The following SCAPER variants were observed in gnomAD, a reference collection of about 807,000 sequenced individuals.
SCAPER encodes the protein S-phase cyclin A associated protein in the ER.
A neutral mutation model predicts 182.2 loss-of-function variants in SCAPER; 98 were observed. That is an observed-to-expected ratio of 0.54 (90% CI 0.46 to 0.64). The LOEUF (loss-of-function observed/expected upper bound fraction) is 0.64, where lower values mean the gene tolerates loss of function less well. Among genes scored for constraint, SCAPER ranks in the 30% least tolerant of loss-of-function variants. The pLI is 0.00. For synonymous variants in SCAPER, 605 were observed against 564.6 expected, an observed-to-expected ratio of 1.07 and a Z score of -1.01; for missense variants, 1,432 against 1,690.0, an observed-to-expected ratio of 0.85 and a Z score of 2.68.
intron 26 of SCAPER, among the ~76,000 whole-genome samples, chr15:76,405,853 A>G (rs1179896766): frequency 6.6e-6 from 1 of 152,202 alleles, no homozygotes; most frequent in Non-Finnish European, 1.5e-5. Flanking sequence ...AGTCCCCACT[A>G]TTCATTTACC....
chr15:76,536,890 T>C (rs1403199242), intron 23 of SCAPER, among the ~76,000 whole-genome samples: 1 of 151,642 alleles, frequency 6.6e-6, no homozygotes, highest in Non-Finnish European at 1.5e-5. Flanking sequence ...AAAATCAATG[T>C]ACAAAAATCA....
intron 26 of SCAPER, 100 bp downstream of exon 26, chr15:76,433,978 A>G (rs2047028881): frequency 4.2e-6 from 4 of 948,078 alleles, no homozygotes; most frequent in Non-Finnish European, 4.7e-6. Context: ...TGTGAATGGC[A>G]TTGTGAGAAC....
At position 76,599,282 on chromosome 15, in the gene SCAPER, A is replaced by C. The variant is rs528233928; in HGVS notation, c.2711+22482T>G. Among the ~76,000 whole-genome samples, 517 of 122,028 alleles carry C rather than the reference A, an allele frequency of 4.2e-3. 53 individuals are homozygous for C. The highest frequency in any genetic ancestry group is 0.012 in the African/African-American group (488 of 39,962). 80.1% of individuals were successfully genotyped at this position (122,028 alleles called of 152,430 possible). A position where few individuals can be genotyped will look rare whatever the true frequency, so the allele number is the denominator to read the frequency against. ...GACAACGTCAAATATTACCAAGGAT[A>C]TGAAACAGGAACTCTCACACATTGT... On this transcript the variant is annotated intron_variant, in intron 22 of 31. Coordinates refer to ENST00000563290, the MANE Select transcript of SCAPER (RefSeq NM_020843.4).
At chr15:76,857,932 T>C in intron 3 of SCAPER, 53 bp from the exon 4 acceptor site, 1 of 1,268,866 alleles carries the variant, frequency 7.9e-7, no homozygotes, top group Non-Finnish European at 1.1e-6. Context: ...ATAGATAGTA[T>C]AAAATTGAAC....
intron 2 of SCAPER, among the ~76,000 whole-genome samples, chr15:76,865,103 C>G (rs1056781729): frequency 6.6e-6 from 1 of 152,202 alleles, no homozygotes; most frequent in African/African-American, 2.4e-5. Flanking sequence ...TTACATTTCA[C>G]CAACTATCCC....
intron 23 of SCAPER, among the ~76,000 whole-genome samples, chr15:76,539,353 G>A (rs1404080134): frequency 1.3e-5 from 2 of 152,010 alleles, no homozygotes; most frequent in African/African-American, 4.8e-5. Flanking sequence ...ACAAAGAAAA[G>A]CCTGGCTCCT....
At chr15:76,684,884 GA>G (rs1057018679) in intron 20 of SCAPER, among the ~76,000 whole-genome samples, 1 of 150,588 alleles carries the variant, frequency 6.6e-6, no homozygotes, top group Non-Finnish European at 1.5e-5. Context: ...CCAGAAAATA[GA>G]AAAAAAAGAG....
At chr15:76,686,682 C>A (rs1236401134) in intron 20 of SCAPER, among the ~76,000 whole-genome samples, 1 of 152,004 alleles carries the variant, frequency 6.6e-6, no homozygotes, top group Non-Finnish European at 1.5e-5. Flanking sequence ...GTAAATAAAT[C>A]GTGTATAATC....
intron 29 of SCAPER, among the ~76,000 whole-genome samples, chr15:76,367,440 A>G (rs1042167519): frequency 8.5e-5 from 13 of 152,230 alleles, no homozygotes; most frequent in African/African-American, 3.1e-4. Flanking sequence ...GTCATGAATT[A>G]AACTTTGATA....
At chr15:76,674,360 A>T (rs1164156535) in intron 20 of SCAPER, among the ~76,000 whole-genome samples, 1 of 152,218 alleles carries the variant, frequency 6.6e-6, no homozygotes, top group African/African-American at 2.4e-5. Context: ...TCATGTGTCT[A>T]TAAGGGAGGA....
intron 24 of SCAPER, among the ~76,000 whole-genome samples, chr15:76,487,957 A>C (rs1420668917): frequency 6.6e-6 from 1 of 152,156 alleles, no homozygotes; most frequent in Non-Finnish European, 1.5e-5. Context: ...GGTCCGAAGG[A>C]TTCTCAATAC....
chr15:76,667,215 T>C (rs948189453), intron 20 of SCAPER, among the ~76,000 whole-genome samples: 2 of 152,198 alleles, frequency 1.3e-5, no homozygotes, highest in African/African-American at 4.8e-5. Flanking sequence ...TCAGTTCTTA[T>C]CTGTTTCTTG....
chr15:76,430,275 A>C (rs1378258759), intron 26 of SCAPER, among the ~76,000 whole-genome samples: 3 of 152,204 alleles, frequency 2.0e-5, no homozygotes, highest in African/African-American at 7.2e-5. Context: ...CAGAGCCCCT[A>C]CACAGAGTCC....
At chr15:76,524,740 A>C (rs1023227860) in intron 23 of SCAPER, among the ~76,000 whole-genome samples, 2 of 138,606 alleles carry the variant, frequency 1.4e-5, no homozygotes, top group Non-Finnish European at 3.0e-5. Context: ...AAGACTTACC[A>C]ATACGTAAGA....
intron 1 of SCAPER, among the ~76,000 whole-genome samples, chr15:76,894,049 A>C (rs765754197): frequency 1.3e-5 from 2 of 152,070 alleles, no homozygotes; most frequent in Non-Finnish European, 1.5e-5. Context: ...TCAGGAGTTC[A>C]AGACCAGCCT....
In SCAPER at chr15:76,686,058, G is replaced by A. The variant is rs566209228; in HGVS notation, c.2508+15700C>T. On this transcript the variant is annotated intron_variant, in intron 20 of 31. Coordinates refer to ENST00000563290, the MANE Select transcript of SCAPER (RefSeq NM_020843.4). The stretch of plus-strand genomic sequence containing the variant: ...GAACACAAAAAGTACTATCTATAAA[G>A]GACAATATTGATAAATTTGATTGTT... Among the ~76,000 whole-genome samples, 4 of 151,952 alleles carry A rather than the reference G, an allele frequency of 2.6e-5. No individual in the cohort carries two copies. The East Asian group carries it at 5.8e-4, about 22-fold the overall frequency.
At chr15:76,630,227 T>TATCC (rs2052976544) in intron 21 of SCAPER, among the ~76,000 whole-genome samples, 1 of 152,146 alleles carries the variant, frequency 6.6e-6, no homozygotes. Context: ...CTATCTACTT[T>TATCC]ATCCATTTTT....
chr15:76,590,310 T>C (rs982952793), intron 22 of SCAPER, among the ~76,000 whole-genome samples: 2 of 152,230 alleles, frequency 1.3e-5, no homozygotes, highest in African/African-American at 2.4e-5. Flanking sequence ...TACAAGTTTA[T>C]ATATTTGAAT....
intron 26 of SCAPER, among the ~76,000 whole-genome samples, chr15:76,421,083 G>A (rs1206003342): frequency 2.6e-5 from 4 of 152,136 alleles, no homozygotes; most frequent in African/African-American, 4.8e-5. Context: ...ATAAACATAC[G>A]TGTGCATGTG....
Sources: allele counts gnomAD v4.1 joint callset (sites outside exome capture counted in the v4.1 genomes callset), GRCh38; gene constraint gnomAD v4.1.1; transcripts MANE v1.5; gene names NCBI Gene and HGNC (gene_info 2026-07-23, HGNC 2026-07-21).